The following DLC1 variants were observed in gnomAD, a reference collection of about 807,000 sequenced individuals.
The protein encoded by DLC1 is DLC1 Rho GTPase activating protein.
Under a neutral mutation model 140.3 loss-of-function variants are expected in DLC1, and 54 were observed. The observed-to-expected ratio is 0.38, with a 90% CI of 0.31 to 0.48. The LOEUF is 0.48. Ranked by LOEUF, DLC1 falls within the 20% of genes least tolerant of loss-of-function variation. DLC1 has a pLI of 0.96. For synonymous variants in DLC1, 986 were observed against 728.1 expected, an observed-to-expected ratio of 1.35 and a Z score of -5.70; for missense variants, 2,536 against 1,907.0, an observed-to-expected ratio of 1.33 and a Z score of -6.14.
intron 4 of DLC1, among the ~76,000 whole-genome samples, chr8:13,378,158 C>T (rs1836085123): frequency 7.6e-6 from 1 of 130,968 alleles, no homozygotes. Flanking sequence ...TATACATGTG[C>T]CATGCATATG....
At chr8:13,297,501 C>G (rs1563233410) in intron 5 of DLC1, among the ~76,000 whole-genome samples, 1 of 151,924 alleles carries the variant, frequency 6.6e-6, no homozygotes, top group Non-Finnish European at 1.5e-5. Flanking sequence ...AGATAAGACT[C>G]TACATTTGGC....
chr8:13,542,625 C>T (rs918406211), intron 1 of DLC1, among the ~76,000 whole-genome samples: 3 of 152,198 alleles, frequency 2.0e-5, no homozygotes, highest in East Asian at 3.9e-4. Context: ...GATCAATATA[C>T]ATGGGAGAGC....
intron 1 of DLC1, among the ~76,000 whole-genome samples, chr8:13,582,539 C>G (rs11992353): frequency 0.041 from 6,247 of 152,132 alleles, 417 homozygotes; most frequent in African/African-American, 0.14. Flanking sequence ...CTATATATTT[C>G]TCCCATGCCG....
chr8:13,458,538 C>T (rs900576679), intron 2 of DLC1, among the ~76,000 whole-genome samples: 2 of 152,068 alleles, frequency 1.3e-5, no homozygotes, highest in African/African-American at 4.8e-5. Flanking sequence ...TTTGAAAAAA[C>T]TCCAAAATAA....
intron 2 of DLC1, among the ~76,000 whole-genome samples, chr8:13,460,719 G>A (rs926992369): frequency 3.3e-5 from 5 of 152,254 alleles, no homozygotes; most frequent in African/African-American, 4.8e-5. Context: ...GCAGACTCCT[G>A]CCTTTGCAAG....
intron 4 of DLC1, among the ~76,000 whole-genome samples, chr8:13,373,641 T>C (rs969870904): frequency 6.6e-6 from 1 of 152,208 alleles, no homozygotes; most frequent in African/African-American, 2.4e-5. Flanking sequence ...TAATTGTATG[T>C]ATTACTTTCA....
chr8:13,329,466 A>G (rs1227416904), intron 4 of DLC1, among the ~76,000 whole-genome samples: 1 of 152,158 alleles, frequency 6.6e-6, no homozygotes, highest in Non-Finnish European at 1.5e-5. Flanking sequence ...GTTTAACCCC[A>G]GTCATCACCT....
intron 2 of DLC1, among the ~76,000 whole-genome samples, chr8:13,449,291 G>A (rs1005958144): frequency 5.3e-5 from 8 of 152,168 alleles, no homozygotes; most frequent in Non-Finnish European, 1.0e-4. Flanking sequence ...ATAATAGAGA[G>A]AAATGGAGGG....
intron 5 of DLC1, among the ~76,000 whole-genome samples, chr8:13,215,681 T>C (rs1828163327): frequency 1.3e-5 from 2 of 152,204 alleles, no homozygotes; most frequent in Non-Finnish European, 1.5e-5. Context: ...ATACTACTAT[T>C]GTAGAACTAT....
intron 2 of DLC1, among the ~76,000 whole-genome samples, chr8:13,472,128 C>G (rs1177728099): frequency 6.6e-6 from 1 of 152,186 alleles, no homozygotes; most frequent in East Asian, 1.9e-4. Flanking sequence ...AAGCAATTTT[C>G]TCAAATAACA....
chr8:13,436,374 A>G (rs142726582), intron 2 of DLC1, among the ~76,000 whole-genome samples: 1 of 152,308 alleles, frequency 6.6e-6, no homozygotes, highest in African/African-American at 2.4e-5. Context: ...CATCATATCA[A>G]ATTTTACTGT....
chr8:13,345,481 G>T (rs1834286081), intron 4 of DLC1, among the ~76,000 whole-genome samples: 1 of 150,098 alleles, frequency 6.7e-6, no homozygotes, highest in Non-Finnish European at 1.5e-5. Context: ...GAGTCCCAGG[G>T]ATCTCTTGGA....
chr8:13,446,125 C>G (rs750938916), intron 2 of DLC1, among the ~76,000 whole-genome samples: 1 of 152,078 alleles, frequency 6.6e-6, no homozygotes, highest in Non-Finnish European at 1.5e-5. Context: ...AGACAAAGAA[C>G]TCTCCCCCCC....
At chr8:13,590,309 T>G (rs901182054) in intron 1 of DLC1, among the ~76,000 whole-genome samples, 8 of 152,006 alleles carry the variant, frequency 5.3e-5, no homozygotes, top group Non-Finnish European at 1.0e-4. Flanking sequence ...CCCCAGTTTT[T>G]TTTTGCAGCT....
intron 5 of DLC1, among the ~76,000 whole-genome samples, chr8:13,191,464 C>T (rs1277342954): frequency 6.6e-6 from 1 of 152,178 alleles, no homozygotes; most frequent in Non-Finnish European, 1.5e-5. Flanking sequence ...TGAGATTGTG[C>T]TACTGCACAG....
At chr8:13,342,054 A>G (rs1834082709) in intron 4 of DLC1, 1 of 152,252 alleles carries the variant, frequency 6.6e-6, no homozygotes, top group South Asian at 2.1e-4. Flanking sequence ...GTGAATTAAA[A>G]GAGTTTATAT....
At chr8:13,214,446 C>G (rs1462314948) in intron 5 of DLC1, 4 of 572,278 alleles carry the variant, frequency 7.0e-6, no homozygotes, top group Non-Finnish European at 9.3e-6. Flanking sequence ...CACTGTCAAA[C>G]ATGACCTGTG....
intron 5 of DLC1, among the ~76,000 whole-genome samples, chr8:13,188,908 C>A (rs1826580455): frequency 7.6e-6 from 1 of 131,472 alleles, no homozygotes; most frequent in South Asian, 2.4e-4. Flanking sequence ...CCAGGCTGGT[C>A]TTGAACTCCT....
At chr8:13,275,824 C>A (rs1244820200) in intron 5 of DLC1, among the ~76,000 whole-genome samples, 2 of 152,184 alleles carry the variant, frequency 1.3e-5, no homozygotes, top group Non-Finnish European at 2.9e-5. Flanking sequence ...CACAGACCTG[C>A]CAGGCCCCTC....
Sources: gnomAD v4.1 joint callset for allele counts (sites outside exome capture counted in the v4.1 genomes callset) on GRCh38, gnomAD v4.1.1 for gene constraint, MANE v1.5 for transcripts, NCBI Gene and HGNC (gene_info 2026-07-23, HGNC 2026-07-21) for gene names.